Variants in CAMTA1 observed in about 807,000 individuals in gnomAD.
CAMTA1 encodes the protein calmodulin-binding transcription activator 1.
A neutral mutation model predicts 170.9 loss-of-function variants in CAMTA1; 27 were observed. That is an observed-to-expected ratio of 0.16 (90% CI 0.12 to 0.22). The LOEUF (loss-of-function observed/expected upper bound fraction) is 0.22, where lower values mean the gene tolerates loss of function less well. Among genes scored for constraint, CAMTA1 ranks in the 10% least tolerant of loss-of-function variants. The pLI is 1.00. For missense variants in CAMTA1, 1,619 were observed against 2,217.2 expected, an observed-to-expected ratio of 0.73 and a Z score of 5.42; for synonymous variants, 833 against 891.5, an observed-to-expected ratio of 0.93 and a Z score of 1.17.
rs558358574 is a variant in CAMTA1 at position 7,149,064 on chromosome 1, A to C, written c.302+57693A>C. Among the ~76,000 whole-genome samples the C allele has an allele frequency of 3.4e-3, 507 of 149,704 alleles. 1 individual carries two copies. Among genetic ancestry groups the C allele is most frequent in the African/African-American group, 0.011 (466 of 40,542 alleles). Reference sequence around the variant, plus strand: ...GGGCCTGGTGTTTCCACAATCATCCACTCCCTTCCAGCTGCCCAGGGATTG... The same window carrying C: ...GGGCCTGGTGTTTCCACAATCATCCCCTCCCTTCCAGCTGCCCAGGGATTG... On this transcript the variant is annotated intron_variant, in intron 4 of 22. Transcript: ENST00000303635.
intron 5 of CAMTA1, among the ~76,000 whole-genome samples, chr1:7,281,944 T>C (rs992762158): frequency 6.6e-6 from 1 of 152,060 alleles, no homozygotes; most frequent in Non-Finnish European, 1.5e-5. Flanking sequence ...TTCCTCCGCT[T>C]CTTGGACCTC....
chr1:7,179,521 T>G (rs569827896), intron 4 of CAMTA1, among the ~76,000 whole-genome samples: 2 of 152,316 alleles, frequency 1.3e-5, no homozygotes, highest in Admixed American at 6.5e-5. Flanking sequence ...AAAATTTCAG[T>G]AAGTTCTATA....
intron 3 of CAMTA1, among the ~76,000 whole-genome samples, chr1:6,939,162 A>T (rs1685979545): frequency 6.6e-6 from 1 of 152,160 alleles, no homozygotes; most frequent in African/African-American, 2.4e-5. Context: ...TAACCAGAGG[A>T]GCAGGCGTGG....
intron 3 of CAMTA1, among the ~76,000 whole-genome samples, chr1:6,974,977 C>G (rs924115268): frequency 2.6e-5 from 4 of 152,196 alleles, no homozygotes; most frequent in African/African-American, 9.7e-5. Context: ...GACGAGTTTA[C>G]AAGATACAAG....
intron 6 of CAMTA1, among the ~76,000 whole-genome samples, chr1:7,493,051 A>G (rs978382579): frequency 1.6e-4 from 18 of 113,240 alleles, no homozygotes; most frequent in African/African-American, 6.6e-4. Flanking sequence ...ACAAACCTAC[A>G]TACACACGCG....
At chr1:7,221,078 A>T (rs1660672432) in intron 4 of CAMTA1, among the ~76,000 whole-genome samples, 1 of 152,346 alleles carries the variant, frequency 6.6e-6, no homozygotes, top group Admixed American at 6.5e-5. Context: ...GCACCAGCAC[A>T]GATGAATGGC....
At chr1:6,983,206 T>TA (rs1182987365) in intron 3 of CAMTA1, among the ~76,000 whole-genome samples, 1 of 152,198 alleles carries the variant, frequency 6.6e-6, no homozygotes, top group Non-Finnish European at 1.5e-5. Flanking sequence ...CGGGGAACCT[T>TA]ACATTCCTGG....
chr1:7,714,153 T>C lies in CAMTA1; in HGVS notation c.2915-18295T>C, dbSNP rs61616649. ...GAAAACAGAAGAAACTAATGTGTTA[T>C]TTCATTGCAGTAAAGAGACTTCTTG... On this transcript the variant is annotated intron_variant, in intron 11 of 22. Transcript: ENST00000303635. Among the ~76,000 whole-genome samples the C allele has an allele frequency of 2.4e-3, 368 of 152,378 alleles. 3 individuals are homozygous for C. The highest frequency in any genetic ancestry group is 8.5e-3 in the African/African-American group (355 of 41,598).
At position 7,664,966 on chromosome 1, in the gene CAMTA1, G is replaced by A. The variant is rs1166807062; in HGVS notation, c.2419G>A (p.Glu807Lys). The A allele has an allele frequency of 6.2e-7, 1 of 1,612,564 alleles. No individual in the cohort carries two copies. Among genetic ancestry groups the A allele is most frequent in the Admixed American group, 1.7e-5 (1 of 60,006 alleles). The change falls in exon 9 of 23, where the codon GAG becomes AAG. Residue 807 changes from glutamate to lysine, a missense_variant. Around this residue, in one of 8 missense-constraint regions of CAMTA1, gnomAD observed 731 missense variants for 907.6 expected, o/e 0.81. Transcript: ENST00000303635. ...SGDSTALSQS[E>K]DGARAPFTQA... ...GGACAGCACGGCGCTCTCACAGTCA[G>A]AGGACGGGGCGCGGGCCCCCTTCAC...
chr1:7,465,433 T>C (rs1242752601), intron 5 of CAMTA1, among the ~76,000 whole-genome samples: 1 of 152,124 alleles, frequency 6.6e-6, no homozygotes, highest in Non-Finnish European at 1.5e-5. Context: ...GGGATCTGCC[T>C]TCAGCCGCAC....
At chr1:7,176,915 A>G (rs1650955993) in intron 4 of CAMTA1, among the ~76,000 whole-genome samples, 1 of 152,046 alleles carries the variant, frequency 6.6e-6, no homozygotes, top group African/African-American at 2.4e-5. Flanking sequence ...ACAAGGCCCC[A>G]CTAGATTGCG....
chr1:7,278,442 A>C (rs12039874), intron 5 of CAMTA1, among the ~76,000 whole-genome samples: 31,016 of 152,140 alleles, frequency 0.2, 3,380 homozygotes, highest in East Asian at 0.42. Flanking sequence ...CCATTTATTA[A>C]CTACAACAAT....
intron 4 of CAMTA1, among the ~76,000 whole-genome samples, chr1:7,229,128 G>A (rs1448065516): frequency 6.6e-6 from 1 of 151,940 alleles, no homozygotes; most frequent in Non-Finnish European, 1.5e-5. Context: ...GGACAGCAGG[G>A]CCTGGGGCAG....
rs2092602260 is a variant in CAMTA1, at chr1:7,443,462, G to A, written c.439-24368G>A. 6.6e-6 allele frequency among the ~76,000 whole-genome samples: 1 copy of A among 152,174 alleles called. No homozygotes were observed. Among genetic ancestry groups the A allele is most frequent in the African/African-American group, 2.4e-5 (1 of 41,442 alleles). Reference sequence around the variant, plus strand: ...AGAGTGGAAAGTCACCCAGCCCTGGGCATCCGAATCAGCATTTTCTGGAGA... The same window carrying A: ...AGAGTGGAAAGTCACCCAGCCCTGGACATCCGAATCAGCATTTTCTGGAGA... On this transcript the variant is annotated intron_variant, in intron 5 of 22. Coordinates refer to ENST00000303635, the MANE Select transcript of CAMTA1 (RefSeq NM_015215.4). The surrounding 1 kb of genome is among the most constrained non-coding windows in gnomAD (Gnocchi z 4.1).
At chr1:6,814,502 A>G (rs1235661151) in intron 1 of CAMTA1, among the ~76,000 whole-genome samples, 1 of 152,164 alleles carries the variant, frequency 6.6e-6, no homozygotes, top group African/African-American at 2.4e-5. Context: ...CTTCTGCCAC[A>G]AGGTAGAAGG....
Position 7,054,596 on chromosome 1 carries a change from C to T in CAMTA1, c.235-36708C>T, listed in dbSNP as rs529015619. On this transcript the variant is annotated intron_variant, in intron 3 of 22. Coordinates refer to ENST00000303635, the MANE Select transcript of CAMTA1 (RefSeq NM_015215.4). ...CTGTGCATGCCGGTGGTGAGGGGGTCGTACAGGAGAGTTTTCAGAAGGGAT... is the reference window on the plus strand; with the variant it reads ...CTGTGCATGCCGGTGGTGAGGGGGTTGTACAGGAGAGTTTTCAGAAGGGAT... Among the ~76,000 whole-genome samples, 11 of 152,246 alleles carry T rather than the reference C, an allele frequency of 7.2e-5. 1 individual carries two copies. The South Asian group carries it at 8.3e-4, about 11-fold the overall frequency.
rs1650200401 is a variant in CAMTA1 at position 7,173,917 on chromosome 1, C to T, written c.303-75574C>T. Reference sequence around the variant, plus strand: ...CTCAACAGGACCCAGCAGGTACCAACAAAACCTAGTGGAACTCAGAGGGGC... The same window carrying T: ...CTCAACAGGACCCAGCAGGTACCAATAAAACCTAGTGGAACTCAGAGGGGC... On this transcript the variant is annotated intron_variant, in intron 4 of 22. Coordinates refer to ENST00000303635, the MANE Select transcript of CAMTA1 (RefSeq NM_015215.4). The surrounding 1 kb of genome is among the most constrained non-coding windows in gnomAD (Gnocchi z 5.4). 6.6e-6 allele frequency among the ~76,000 whole-genome samples: 1 copy of T among 152,152 alleles called. No homozygotes were observed. Among genetic ancestry groups the T allele is most frequent in the Admixed American group, 6.5e-5 (1 of 15,282 alleles).
chr1:7,471,790 G>T (rs2093335439), intron 6 of CAMTA1, among the ~76,000 whole-genome samples: 1 of 152,214 alleles, frequency 6.6e-6, no homozygotes. Flanking sequence ...GGGATTTTCT[G>T]ATGGTTTCGA....
At chr1:7,035,717 A>G (rs1478102063) in intron 3 of CAMTA1, among the ~76,000 whole-genome samples, 2 of 152,232 alleles carry the variant, frequency 1.3e-5, no homozygotes, top group Non-Finnish European at 2.9e-5. Flanking sequence ...TCTGCAGACC[A>G]TATTTGGAGA....
Sources: gnomAD v4.1 joint callset for allele counts (sites outside exome capture counted in the v4.1 genomes callset) on GRCh38, gnomAD v4.1.1 for gene constraint, gnomAD v4.1.1 regional missense constraint, Gnocchi (gnomAD v3.1) non-coding constraint, MANE v1.5 for transcripts, NCBI Gene and HGNC (gene_info 2026-07-23, HGNC 2026-07-21) for gene names.